The following DNMBP variants were observed in gnomAD, a reference collection of about 807,000 sequenced individuals.
DNMBP encodes the protein dynamin binding protein.
Under a neutral mutation model 150.0 loss-of-function variants are expected in DNMBP, and 87 were observed. The ratio of observed to expected loss-of-function variants is 0.58; its 90% CI spans 0.49 to 0.69. The LOEUF is 0.69. Ranked by LOEUF, DNMBP falls within the 30% of genes least tolerant of loss-of-function variation. The pLI, the probability that DNMBP is intolerant of heterozygous loss-of-function variation, is 0.00. For synonymous variants in DNMBP, 711 were observed against 750.4 expected, an observed-to-expected ratio of 0.95 and a Z score of 0.86; for missense variants, 1,774 against 1,949.0, an observed-to-expected ratio of 0.91 and a Z score of 1.69.
intron 1 of DNMBP, among the ~76,000 whole-genome samples, chr10:100,000,495 G>C (rs962216736): frequency 3.3e-5 from 5 of 152,156 alleles, no homozygotes; most frequent in African/African-American, 1.2e-4. Flanking sequence ...CGCAGGAGGG[G>C]CTAGAACAGA....
intron 3 of DNMBP, among the ~76,000 whole-genome samples, chr10:99,960,419 C>G (rs1394667966): frequency 6.6e-6 from 1 of 152,180 alleles, no homozygotes; most frequent in Non-Finnish European, 1.5e-5. Context: ...GGTAGCAAAG[C>G]ACCTGGCAAA....
intron 4 of DNMBP, among the ~76,000 whole-genome samples, chr10:99,943,154 G>A (rs1019799638): frequency 6.6e-6 from 1 of 151,944 alleles, no homozygotes; most frequent in Non-Finnish European, 1.5e-5. Context: ...GCATGGTGGC[G>A]GGCACCTGTA....
rs752932115 is a variant in DNMBP, at chr10:99,959,854, C to CA, written c.269-2650dup. On this transcript the variant is annotated intron_variant, in intron 3 of 16. Transcript: ENST00000324109. ...CGGGCAACAGAGTGAGACCGTGTCTCAAAAAAAAAAAACAAAAAAAAAACA... is the reference window on the plus strand; with the variant it reads ...CGGGCAACAGAGTGAGACCGTGTCTCAAAAAAAAAAAAACAAAAAAAAAACA... 9.3e-3 allele frequency among the ~76,000 whole-genome samples: 721 copies of CA among 77,406 alleles called. 4 individuals carry two copies. Among genetic ancestry groups the CA allele is most frequent in the East Asian group, 0.02 (52 of 2,650 alleles). 50.8% of individuals were successfully genotyped at this position (77,406 alleles called of 152,430 possible).
chr10:99,989,112 T>C (rs916260778), intron 1 of DNMBP, among the ~76,000 whole-genome samples: 1 of 152,252 alleles, frequency 6.6e-6, no homozygotes, highest in Admixed American at 6.5e-5. Context: ...CCTTACAAGA[T>C]GTGTAATTAT....
rs1045700475 is a variant in DNMBP, at chr10:99,876,953, A to G, written c.*198T>C. The G allele has an allele frequency of 1.0e-5, 5 of 485,168 alleles. No homozygotes were observed. The highest frequency in any genetic ancestry group is 2.0e-5 in the African/African-American group (1 of 49,940). 30.1% of individuals were successfully genotyped at this position (485,168 alleles called of 1,614,324 possible). Reference sequence around the variant, plus strand: ...TGCAAAGCCCCAGGGTCCATTTCAAATTCTAGAGATTCTAGTGAGCATCAA... The same window carrying G: ...TGCAAAGCCCCAGGGTCCATTTCAAGTTCTAGAGATTCTAGTGAGCATCAA... On this transcript the variant is annotated 3_prime_UTR_variant, in exon 17 of 17. Transcript: ENST00000324109.
At chr10:99,994,052 T>A (rs2040926627) in intron 1 of DNMBP, among the ~76,000 whole-genome samples, 1 of 152,172 alleles carries the variant, frequency 6.6e-6, no homozygotes, top group South Asian at 2.1e-4. Flanking sequence ...ACTGGGTGGA[T>A]GATGCTACAT....
intron 4 of DNMBP, chr10:99,929,790 T>C: frequency 1.4e-6 from 1 of 702,938 alleles, no homozygotes; most frequent in Non-Finnish European, 2.6e-6. Context: ...TCCTCCTTGT[T>C]CTCCCCTGGT....
chr10:99,988,129 C>T (rs1359703125), intron 1 of DNMBP, among the ~76,000 whole-genome samples: 4 of 152,090 alleles, frequency 2.6e-5, no homozygotes, highest in South Asian at 2.1e-4. Context: ...GCTTTTCCTG[C>T]GTCCAATGAG....
At chr10:99,959,005 G>T (rs2040531169) in intron 3 of DNMBP, among the ~76,000 whole-genome samples, 1 of 152,190 alleles carries the variant, frequency 6.6e-6, no homozygotes, top group African/African-American at 2.4e-5. Context: ...TTGCATATTT[G>T]TGTAAGGCTG....
Position 99,962,521 on chromosome 10 carries a change from C to CTG in DNMBP, c.269-5317_269-5316insCA, listed in dbSNP as rs1403065279. On this transcript the variant is annotated intron_variant, in intron 3 of 16. Coordinates refer to ENST00000324109, the MANE Select transcript of DNMBP (RefSeq NM_015221.4). ...TGGCGGGCGCCTGTAGTCCCAGCTA[C>CTG]CAGGGAGGCTGAGGCAGGAGAACGG... Among the ~76,000 whole-genome samples, 12 of 152,302 alleles carry CTG rather than the reference C, an allele frequency of 7.9e-5. 1 individual carries two copies. The South Asian group carries it at 8.3e-4, about 11-fold the overall frequency.
rs150593109 is a variant in DNMBP at position 99,883,822 on chromosome 10, CAA to C, written c.3997+187_3997+188del. On this transcript the variant is annotated intron_variant, in intron 15 of 16. Coordinates refer to ENST00000324109, the MANE Select transcript of DNMBP (RefSeq NM_015221.4). The stretch of plus-strand genomic sequence containing the variant: ...GTGTCTCCTCTGGAATTTGTCAAAA[CAA>C]AAAGAGGTTTTGTTTCAGTAATGAT... Among the ~76,000 whole-genome samples, 1,309 of 152,064 alleles carry C rather than the reference CAA, an allele frequency of 8.6e-3. 16 individuals are homozygous for C. Among genetic ancestry groups the C allele is most frequent in the Middle Eastern group, 0.034 (10 of 292 alleles).
chr10:100,008,300 A>G (rs2041097873), intron 1 of DNMBP, among the ~76,000 whole-genome samples: 4 of 152,242 alleles, frequency 2.6e-5, no homozygotes, highest in African/African-American at 7.2e-5. Flanking sequence ...CAGCCAAAAA[A>G]TACACAATAT....
chr10:100,007,079 C>T (rs1041633231), intron 1 of DNMBP, among the ~76,000 whole-genome samples: 1 of 151,876 alleles, frequency 6.6e-6, no homozygotes, highest in Non-Finnish European at 1.5e-5. Flanking sequence ...CACGCCACTG[C>T]ACTCCAGCCT....
chr10:99,938,530 G>A (rs1286568928), intron 4 of DNMBP, among the ~76,000 whole-genome samples: 1 of 152,206 alleles, frequency 6.6e-6, no homozygotes, highest in Non-Finnish European at 1.5e-5. Flanking sequence ...CGGTGACACA[G>A]TGAGACTCCA....
intron 15 of DNMBP, among the ~76,000 whole-genome samples, chr10:99,881,044 G>A (rs1338135341): frequency 6.6e-6 from 1 of 152,182 alleles, no homozygotes; most frequent in Non-Finnish European, 1.5e-5. Context: ...TGGCCAACAT[G>A]GTGAAGCCCC....
In DNMBP at chr10:99,955,710, A is replaced by G. The variant is rs146703254; in HGVS notation, c.1764T>C (p.Ile588=). The G allele has an allele frequency of 6.8e-6, 11 of 1,614,222 alleles. No individual in the cohort carries two copies. Among genetic ancestry groups the G allele is most frequent in the African/African-American group, 6.7e-5 (5 of 75,070 alleles). ...SIMDFNSEKD[I]VRGSSKLITE... ...TGATTAACTTTGAGGAACCTCGGAC[A>G]ATATCCTTCTCAGAGTTAAAGTCCA... The change falls in exon 4 of 17, where the codon ATT becomes ATC. Residue 588 remains isoleucine, a synonymous_variant. Transcript: ENST00000324109.
chr10:99,953,129 C>T (rs554569877), intron 4 of DNMBP, among the ~76,000 whole-genome samples: 16 of 152,306 alleles, frequency 1.1e-4, no homozygotes, highest in African/African-American at 3.6e-4. Context: ...AGAGGCTTAT[C>T]ATTCCCAAAT....
rs1387221686 is a variant in DNMBP, at chr10:99,956,095, G to A, written c.1379C>T (p.Pro460Leu). The change falls in exon 4 of 17, where the codon CCT (proline) becomes CTT (leucine). Residue 460 changes from proline to leucine, a missense_variant. By Grantham distance (98) the Pro-to-Leu change is moderately conservative. Transcript: ENST00000324109. The stretch of plus-strand genomic sequence containing the variant: ...TAGCTGGGAATACATTCTTTTGGGA[G>A]GTAGGCTGGCATAGTCTCTAGTCCT... Reference protein sequence around the residue: ...EARTRDYASLPPKRMYSQLKT... With the variant: ...EARTRDYASLLPKRMYSQLKT... The A allele has an allele frequency of 6.2e-7, 1 of 1,614,222 alleles. No homozygotes were observed. Among genetic ancestry groups the A allele is most frequent in the Non-Finnish European group, 8.5e-7 (1 of 1,180,036 alleles).
chr10:99,976,006 T>C (rs1048635494), intron 1 of DNMBP, among the ~76,000 whole-genome samples: 3 of 152,172 alleles, frequency 2.0e-5, no homozygotes, highest in Admixed American at 6.5e-5. Context: ...AGAGAGATGA[T>C]AGCTGTCCAA....
Sources: gnomAD v4.1 joint callset for allele counts (sites outside exome capture counted in the v4.1 genomes callset) on GRCh38, gnomAD v4.1.1 for gene constraint, MANE v1.5 for transcripts, NCBI Gene and HGNC (gene_info 2026-07-23, HGNC 2026-07-21) for gene names.